The following FKBP5 variants were observed in gnomAD, a reference collection of about 807,000 sequenced individuals.
FKBP5 encodes the protein FKBP prolyl isomerase 5, also known as peptidyl-prolyl cis-trans isomerase FKBP5.
Under a neutral mutation model 50.5 loss-of-function variants are expected in FKBP5, and 23 were observed. That is an observed-to-expected ratio of 0.46 (90% confidence interval 0.33 to 0.65). The LOEUF (loss-of-function observed/expected upper bound fraction) is 0.65. Among genes scored for constraint, FKBP5 ranks in the 30% least tolerant of loss-of-function variants. The pLI is 0.02. For missense variants in FKBP5, 411 were observed against 553.1 expected, an observed-to-expected ratio of 0.74 and a Z score of 2.58; for synonymous variants, 176 against 190.6, an observed-to-expected ratio of 0.92 and a Z score of 0.63.
At chr6:35,714,163 CT>C (rs1252158831) in intron 2 of FKBP5, among the ~76,000 whole-genome samples, 1 of 149,458 alleles carries the variant, frequency 6.7e-6, no homozygotes, top group Non-Finnish European at 1.5e-5. Flanking sequence ...CTTGAAAAAT[CT>C]TAGGCGGCCA....
At chr6:35,634,273 T>C (rs578080208) in intron 3 of FKBP5, among the ~76,000 whole-genome samples, 1 of 152,284 alleles carries the variant, frequency 6.6e-6, no homozygotes, top group East Asian at 1.9e-4. Context: ...ACCTAAATAA[T>C]GATGCCACAC....
At chr6:35,610,567 CAAAAAAAA>C (rs35101873) in intron 5 of FKBP5, among the ~76,000 whole-genome samples, 1 of 58,628 alleles carries the variant, frequency 1.7e-5, no homozygotes, top group Non-Finnish European at 2.8e-5. Flanking sequence ...GACTCCGTCT[CAAAAAAAA>C]AAAAAAAAAA....
intron 1 of FKBP5, among the ~76,000 whole-genome samples, chr6:35,720,758 A>C (rs1380618600): frequency 6.6e-6 from 1 of 152,128 alleles, no homozygotes; most frequent in Non-Finnish European, 1.5e-5. Flanking sequence ...TGGAGCCACG[A>C]TCATCCTGCA....
chr6:35,650,685 T>G (rs1040060554), intron 1 of FKBP5, among the ~76,000 whole-genome samples: 6 of 151,990 alleles, frequency 3.9e-5, no homozygotes, highest in Non-Finnish European at 8.8e-5. Flanking sequence ...ATGTTAGCCA[T>G]GCTGGTCTCG....
chr6:35,628,251 C>G lies in FKBP5; in HGVS notation c.251-7977G>C, dbSNP rs542315583. Among the ~76,000 whole-genome samples the G allele has an allele frequency of 7.2e-4, 110 of 152,214 alleles. 1 individual carries two copies. In the South Asian group the frequency reaches 0.022, roughly 30 times the overall value. On this transcript the variant is annotated intron_variant, in intron 3 of 10. Transcript: ENST00000357266. ...TTGTTGAAAAGACTGTTCTTTCTCC[C>G]ACTGAATGGTCTTGGCACCCTTGTT...
chr6:35,585,655 A>G, intron 8 of FKBP5: 1 of 921,594 alleles, frequency 1.1e-6, no homozygotes, highest in South Asian at 5.0e-5. Context: ...ATATTTATAT[A>G]TTTATACTTA....
At chr6:35,666,394 T>TA (rs550878351) in intron 1 of FKBP5, among the ~76,000 whole-genome samples, 433 of 33,238 alleles carry the variant, frequency 0.013, 29 homozygotes, top group African/African-American at 0.031. Context: ...CTATTATAGT[T>TA]AAAAAAAAAA....
At chr6:35,727,311 G>A (rs889332384) in intron 1 of FKBP5, among the ~76,000 whole-genome samples, 2 of 152,208 alleles carry the variant, frequency 1.3e-5, no homozygotes, top group African/African-American at 4.8e-5. Context: ...ACTTAGTGAT[G>A]TCTTTCCACA....
chr6:35,725,331 G>T (rs1053630465), intron 1 of FKBP5, among the ~76,000 whole-genome samples: 2 of 152,128 alleles, frequency 1.3e-5, no homozygotes, highest in Non-Finnish European at 2.9e-5. Context: ...GCTCTTGGAG[G>T]CAACTTACAT....
chr6:35,616,889 T>C (rs919492985), intron 5 of FKBP5, among the ~76,000 whole-genome samples: 2 of 151,762 alleles, frequency 1.3e-5, no homozygotes, highest in African/African-American at 4.9e-5. Flanking sequence ...CTTACTAATA[T>C]AGTGAAGATG....
chr6:35,642,701 C>T lies in FKBP5; in HGVS notation c.105+19G>A, dbSNP rs749992331. On this transcript the variant is annotated intron_variant, in intron 2 of 10. Coordinates refer to ENST00000357266, the MANE Select transcript of FKBP5 (RefSeq NM_004117.4). ...AGACAGCAGGTTTCCTTGTATGTCA[C>T]TCAGCTTTGTGGCCTCACCTTTAAT... is the stretch of plus-strand genomic sequence containing the variant. 1 of 1,595,326 alleles carries T rather than the reference C, an allele frequency of 6.3e-7. No individual in the cohort carries two copies. Among genetic ancestry groups the T allele is most frequent in the Non-Finnish European group, 8.6e-7 (1 of 1,164,654 alleles).
chr6:35,637,532 C>T (rs991540904), intron 2 of FKBP5, among the ~76,000 whole-genome samples: 56 of 144,068 alleles, frequency 3.9e-4, no homozygotes, highest in Admixed American at 6.6e-4. Flanking sequence ...GGCACGATCT[C>T]GGCTCACTGC....
chr6:35,719,862 G>T (rs1435906165), intron 2 of FKBP5, among the ~76,000 whole-genome samples: 1 of 152,246 alleles, frequency 6.6e-6, no homozygotes. Context: ...CTTTCTGGGA[G>T]GGGGGTTTCC....
At chr6:35,675,851 C>T (rs1266864354) in intron 1 of FKBP5, among the ~76,000 whole-genome samples, 1 of 152,098 alleles carries the variant, frequency 6.6e-6, no homozygotes, top group African/African-American at 2.4e-5. Flanking sequence ...TCAAAACAAT[C>T]CTTGGAATTC....
intron 2 of FKBP5, among the ~76,000 whole-genome samples, chr6:35,698,948 C>T (rs1348238873): frequency 1.3e-5 from 2 of 152,200 alleles, no homozygotes; most frequent in Non-Finnish European, 2.9e-5. Flanking sequence ...CTAGGTCCCA[C>T]CTGTAACACT....
intron 10 of FKBP5, among the ~76,000 whole-genome samples, chr6:35,576,343 G>GA (rs998628679): frequency 1.1e-4 from 16 of 151,150 alleles, no homozygotes; most frequent in South Asian, 6.3e-4. Context: ...AGTCTTACTT[G>GA]AAAAAAAAAT....
intron 1 of FKBP5, among the ~76,000 whole-genome samples, chr6:35,684,925 C>T (rs887838109): frequency 7.9e-5 from 12 of 151,906 alleles, no homozygotes; most frequent in Admixed American, 3.3e-4. Context: ...ACCCCAGCTA[C>T]TTGGGAGGCT....
chr6:35,637,268 A>G (rs1764339874), intron 2 of FKBP5, 110 bp from the exon 3 acceptor site: 1 of 895,886 alleles, frequency 1.1e-6, no homozygotes, highest in Non-Finnish European at 1.7e-6. Flanking sequence ...ATGCAAATAT[A>G]CTATTATCCA....
intron 6 of FKBP5, among the ~76,000 whole-genome samples, chr6:35,595,012 C>T (rs946358424): frequency 6.6e-6 from 1 of 152,128 alleles, no homozygotes; most frequent in African/African-American, 2.4e-5. Flanking sequence ...CAAAAGCTCA[C>T]ACACTGCGGG....
Sources: gnomAD v4.1 joint callset for allele counts (sites outside exome capture counted in the v4.1 genomes callset) on GRCh38, gnomAD v4.1.1 for gene constraint, MANE v1.5 for transcripts, NCBI Gene and HGNC (gene_info 2026-07-23, HGNC 2026-07-21) for gene names.